The following ADAM22 variants were observed in gnomAD, a reference collection of about 807,000 sequenced individuals.
ADAM22 encodes ADAM metallopeptidase domain 22.
Under a neutral mutation model 144.6 loss-of-function variants are expected in ADAM22, and 65 were observed. That is an observed-to-expected ratio of 0.45 (90% CI 0.37 to 0.55). ADAM22 has a LOEUF of 0.55. Ranked by LOEUF, ADAM22 falls within the 20% of genes least tolerant of loss-of-function variation. The pLI is 0.00. For synonymous variants in ADAM22, 391 were observed against 412.6 expected (o/e 0.95, Z 0.63); for missense variants, 974 against 1,184.9 (o/e 0.82, Z 2.61).
chr7:88,149,136 T>A (rs1200867330), intron 18 of ADAM22, 79 bp downstream of exon 18: 2 of 971,048 alleles, frequency 2.1e-6, no homozygotes, highest in East Asian at 5.2e-5. Flanking sequence ...CAAAGAGAAA[T>A]GTAAATGAAC....
chr7:87,946,538 G>A (rs1180770388), intron 2 of ADAM22, among the ~76,000 whole-genome samples: 1 of 152,158 alleles, frequency 6.6e-6, no homozygotes, highest in Non-Finnish European at 1.5e-5. Flanking sequence ...TATGGTGAAA[G>A]TTAGGGGTCC....
At chr7:88,002,659 C>A (rs1792855784) in intron 3 of ADAM22, among the ~76,000 whole-genome samples, 1 of 151,942 alleles carries the variant, frequency 6.6e-6, no homozygotes, top group South Asian at 2.1e-4. Flanking sequence ...ATTTAATAAG[C>A]CAGAGAGGAA....
At chr7:88,116,896 G>A in intron 7 of ADAM22, 82 bp downstream of exon 7, 1 of 1,050,000 alleles carries the variant, frequency 9.5e-7, no homozygotes, top group Non-Finnish European at 1.4e-6. Flanking sequence ...TCTATATTTG[G>A]AATATCATTA....
chr7:88,001,244 T>C (rs1032964623), intron 3 of ADAM22, among the ~76,000 whole-genome samples: 4 of 152,180 alleles, frequency 2.6e-5, no homozygotes, highest in African/African-American at 9.7e-5. Context: ...TATAATGAGA[T>C]ATCTTGGAAA....
chr7:87,951,127 G>T (rs1845010856), intron 2 of ADAM22, among the ~76,000 whole-genome samples: 1 of 151,858 alleles, frequency 6.6e-6, no homozygotes, highest in Admixed American at 6.6e-5. Flanking sequence ...TTGCTGTGCA[G>T]AAGTTCTTTA....
chr7:87,947,656 T>C (rs73200363), intron 2 of ADAM22, among the ~76,000 whole-genome samples: 4,053 of 152,316 alleles, frequency 0.027, 87 homozygotes, highest in Non-Finnish European at 0.04. Flanking sequence ...TCTCTCATAG[T>C]TAACGAGGGA....
chr7:88,031,506 A>G (rs1800259665), intron 3 of ADAM22, among the ~76,000 whole-genome samples: 1 of 152,244 alleles, frequency 6.6e-6, no homozygotes, highest in South Asian at 2.1e-4. Flanking sequence ...TGGTGGCACT[A>G]TGCCCCTGCT....
At chr7:87,979,420 AC>A (rs1306873754) in intron 3 of ADAM22, among the ~76,000 whole-genome samples, 1 of 152,046 alleles carries the variant, frequency 6.6e-6, no homozygotes, top group African/African-American at 2.4e-5. Flanking sequence ...ATGCTCAATA[AC>A]CCTCTCTGCC....
intron 2 of ADAM22, among the ~76,000 whole-genome samples, chr7:87,949,842 T>G (rs903642687): frequency 2.0e-5 from 3 of 149,770 alleles, no homozygotes; most frequent in African/African-American, 7.3e-5. Flanking sequence ...TATAAATTTA[T>G]ATGTAAATAT....
At chr7:88,066,152 T>C (rs553480868) in intron 3 of ADAM22, among the ~76,000 whole-genome samples, 1 of 152,276 alleles carries the variant, frequency 6.6e-6, no homozygotes, top group South Asian at 2.1e-4. Context: ...ATATTCTTCA[T>C]GTGGATGATA....
chr7:87,964,520 TC>T (rs1848630404), intron 2 of ADAM22: 2 of 289,676 alleles, frequency 6.9e-6, no homozygotes, highest in African/African-American at 4.5e-5. Context: ...AAAATTAATT[TC>T]TAGAGTCTCT....
rs150466893 is a variant in ADAM22 at position 88,036,383 on chromosome 7, A to G, written c.324-39243A>G. Among the ~76,000 whole-genome samples the G allele has an allele frequency of 8.5e-3, 1,291 of 152,298 alleles. 20 individuals carry two copies. Among genetic ancestry groups the G allele is most frequent in the African/African-American group, 0.03 (1,241 of 41,566 alleles). On this transcript the variant is annotated intron_variant, in intron 3 of 31. Transcript: ENST00000413139. Reference sequence around the variant, plus strand: ...AAATATAATATCTTTCTTCTGTTGCAGCATTCTAATGAGGGCTGGGGATGG... The same window carrying G: ...AAATATAATATCTTTCTTCTGTTGCGGCATTCTAATGAGGGCTGGGGATGG...
chr7:88,087,658 CTA>C (rs1164800562), intron 4 of ADAM22, among the ~76,000 whole-genome samples: 1 of 152,030 alleles, frequency 6.6e-6, no homozygotes, highest in African/African-American at 2.4e-5. Context: ...CATATTCTGA[CTA>C]TTAGCATTGT....
At chr7:87,969,632 T>C (rs1849957952) in intron 2 of ADAM22, among the ~76,000 whole-genome samples, 1 of 152,224 alleles carries the variant, frequency 6.6e-6, no homozygotes, top group Admixed American at 6.5e-5. Flanking sequence ...ATGAGGACTT[T>C]CAGTTCAGAA....
intron 3 of ADAM22, among the ~76,000 whole-genome samples, chr7:88,063,548 A>T (rs1362842202): frequency 6.6e-6 from 1 of 152,208 alleles, no homozygotes; most frequent in South Asian, 2.1e-4. Context: ...AGAGGAAATT[A>T]TCAAAGAAAT....
At chr7:88,006,458 T>C (rs1793880733) in intron 3 of ADAM22, among the ~76,000 whole-genome samples, 1 of 152,092 alleles carries the variant, frequency 6.6e-6, no homozygotes, top group Admixed American at 6.6e-5. Context: ...AAAAAGAGAA[T>C]TGTAGACCAA....
chr7:88,168,319 TTGA>T, intron 25 of ADAM22, 92 bp downstream of exon 25: 1 of 1,230,142 alleles, frequency 8.1e-7, no homozygotes, highest in Non-Finnish European at 1.2e-6. Flanking sequence ...GTATCATTGG[TTGA>T]ATATACTTGC....
intron 5 of ADAM22, 38 bp from the exon 6 acceptor site, chr7:88,114,546 T>C: frequency 6.3e-7 from 1 of 1,594,728 alleles, no homozygotes; most frequent in South Asian, 1.1e-5. Flanking sequence ...GGGATGAGAG[T>C]CGATGGCCAT....
intron 3 of ADAM22, among the ~76,000 whole-genome samples, chr7:88,051,256 G>A (rs932909610): frequency 2.6e-5 from 4 of 152,192 alleles, no homozygotes; most frequent in African/African-American, 9.7e-5. Context: ...GCACATGTAT[G>A]TTTATTGCGG....
Sources: gnomAD v4.1 joint callset for allele counts (sites outside exome capture counted in the v4.1 genomes callset) on GRCh38, gnomAD v4.1.1 for gene constraint, MANE v1.5 for transcripts, NCBI Gene and HGNC (gene_info 2026-07-23, HGNC 2026-07-21) for gene names.